The following MTSS2 variants were observed in gnomAD, a reference collection of about 807,000 sequenced individuals.
MTSS2 encodes the protein protein MTSS 2.
MTSS2 carries 27 observed loss-of-function variants against 67.1 expected under a neutral mutation model. The ratio of observed to expected loss-of-function variants is 0.40; its 90% confidence interval spans 0.30 to 0.55. MTSS2 has a LOEUF of 0.55. Ranked by LOEUF, MTSS2 falls within the 20% of genes least tolerant of loss-of-function variation. The pLI, the probability that MTSS2 is intolerant of heterozygous loss-of-function variation, is 0.43. For synonymous variants in MTSS2, 624 were observed against 468.6 expected (o/e 1.33, Z -4.28); for missense variants, 1,171 against 1,067.8 (o/e 1.10, Z -1.35).
intron 11 of MTSS2, among the ~76,000 whole-genome samples, chr16:70,667,493 A>G (rs2052760460): frequency 6.6e-6 from 1 of 152,160 alleles, no homozygotes; most frequent in Admixed American, 6.6e-5. Flanking sequence ...ACCCTAAAAC[A>G]TCAGTGTAAT....
intron 12 of MTSS2, 135 bp downstream of exon 12, chr16:70,665,331 T>G: frequency 9.6e-7 from 1 of 1,040,406 alleles, no homozygotes; most frequent in Non-Finnish European, 1.4e-6. Flanking sequence ...GTGGCTTGTC[T>G]CTTGGGGACA....
Position 70,663,948 on chromosome 16 carries a change from G to A in MTSS2, c.1973C>T (p.Ala658Val). 2 of 1,560,342 alleles carry A rather than the reference G, an allele frequency of 1.3e-6. No homozygotes were observed. The highest frequency in any genetic ancestry group is 1.7e-6 in the Non-Finnish European group (2 of 1,154,846). ...CTGCTGCTGCTCGTCCTCGGCCCCT[G>A]CCCCGGGGTACCCGGCTGCCTCTGG... ...PSPEAAGYPG[A>V]GAEDEQQQLA... The change falls in exon 15 of 15, where the codon GCA becomes GTA. Residue 658 changes from alanine (A) to valine (V), a missense_variant. Physicochemically the swap from Ala to Val is moderately conservative, Grantham distance 64. Transcript: ENST00000338779.
At chr16:70,679,404 T>A in intron 6 of MTSS2, 81 bp from the exon 7 acceptor site, 1 of 1,566,292 alleles carries the variant, frequency 6.4e-7, no homozygotes, top group Non-Finnish European at 8.8e-7. Flanking sequence ...ACAGAGCCAC[T>A]CCTGGGGCGG....
chr16:70,676,855 C>G, intron 10 of MTSS2, 26 bp downstream of exon 10: 1 of 1,603,450 alleles, frequency 6.2e-7, no homozygotes, highest in Non-Finnish European at 8.5e-7. Flanking sequence ...GCCCCCCACA[C>G]CCCTGGGAAC....
At chr16:70,670,584 A>AAAAC (rs1193264321) in intron 11 of MTSS2, among the ~76,000 whole-genome samples, 3 of 152,206 alleles carry the variant, frequency 2.0e-5, no homozygotes, top group Non-Finnish European at 4.4e-5. Context: ...ATTTCCACCT[A>AAAAC]AAACATGGCT....
Position 70,679,700 on chromosome 16 carries a change from G to A in MTSS2, c.387C>T (p.Tyr129=), listed in dbSNP as rs763867855. The A allele has an allele frequency of 6.2e-7, 1 of 1,611,496 alleles. No individual in the cohort carries two copies. Among genetic ancestry groups the A allele is most frequent in the Non-Finnish European group, 8.5e-7 (1 of 1,178,946 alleles). ...TTTTGATCTCATGCCGGGCTCGTTTGTACTCTGCAGAAGGGGAGAGCGGAG... is the reference window on the plus strand; with the variant it reads ...TTTTGATCTCATGCCGGGCTCGTTTATACTCTGCAGAAGGGGAGAGCGGAG... ...NQLDKDHAKE[Y]KRARHEIKKK... The change falls in exon 6 of 15, where the codon TAC becomes TAT. Residue 129 remains tyrosine (Y), a synonymous_variant. Coordinates refer to ENST00000338779, the MANE Select transcript of MTSS2 (RefSeq NM_138383.3).
rs1180980401 is a variant in MTSS2, at chr16:70,663,834, G to A, written c.2087C>T (p.Pro696Leu). 2 of 1,539,634 alleles carry A rather than the reference G, an allele frequency of 1.3e-6. No individual in the cohort carries two copies. The highest frequency in any genetic ancestry group is 2.0e-5 in the Admixed American group (1 of 50,702). The change falls in exon 15 of 15, where the codon CCC becomes CTC. Residue 696 changes from proline (P) to leucine (L), a missense_variant. Physicochemically the swap from Pro to Leu is moderately conservative, Grantham distance 98. This residue lies in a region of MTSS2 where 924 missense variants were observed against 756.0 expected (regional missense o/e 1.22). Transcript: ENST00000338779. ...CGTGGGGGTGGCCGACAGAGCAGTG[G>A]GGAAGGGGAACTGGCCCTCACCCAG... ...HALGEGQFPF[P>L]TALSATPTEE...
chr16:70,664,551 G>C, intron 14 of MTSS2, 47 bp downstream of exon 14: 1 of 1,598,060 alleles, frequency 6.3e-7, no homozygotes, highest in Non-Finnish European at 8.5e-7. Context: ...CTCCTGGATG[G>C]CTAAGTCCCA....
intron 11 of MTSS2, among the ~76,000 whole-genome samples, chr16:70,666,715 G>A (rs559098277): frequency 4.6e-4 from 70 of 152,264 alleles, no homozygotes; most frequent in African/African-American, 1.4e-3. Context: ...GCAATATGAC[G>A]GTTAAAGTAA....
intron 1 of MTSS2, among the ~76,000 whole-genome samples, chr16:70,685,336 G>T (rs543525176): frequency 7.4e-4 from 112 of 152,286 alleles, no homozygotes; most frequent in African/African-American, 2.7e-3. Flanking sequence ...TGGGCTCCGG[G>T]GCCGTGGGGG....
At chr16:70,680,299 G>T (rs1240136024) in intron 3 of MTSS2, among the ~76,000 whole-genome samples, 1 of 152,068 alleles carries the variant, frequency 6.6e-6, no homozygotes, top group East Asian at 1.9e-4. Context: ...GCTGGGAGAG[G>T]CCGGCGCCAA....
At chr16:70,670,442 T>C (rs1231575246) in intron 11 of MTSS2, among the ~76,000 whole-genome samples, 2 of 152,194 alleles carry the variant, frequency 1.3e-5, no homozygotes, top group Non-Finnish European at 2.9e-5. Context: ...CAGAACTGCA[T>C]ACTAGAATGT....
At chr16:70,681,088 C>T in intron 1 of MTSS2, 63 bp from the exon 2 acceptor site, 2 of 1,485,774 alleles carry the variant, frequency 1.3e-6, no homozygotes, top group South Asian at 1.3e-5. Flanking sequence ...TTGACCTGGG[C>T]CGGGCTCCCT....
intron 11 of MTSS2, among the ~76,000 whole-genome samples, chr16:70,671,998 G>C (rs2052952940): frequency 6.6e-6 from 1 of 152,216 alleles, no homozygotes; most frequent in Non-Finnish European, 1.5e-5. Context: ...AAGAGGGACA[G>C]GTGTGAGAAA....
At chr16:70,679,145 C>G (rs1031834998) in intron 7 of MTSS2, among the ~76,000 whole-genome samples, 170 bp downstream of exon 7, 1 of 152,034 alleles carries the variant, frequency 6.6e-6, no homozygotes, top group Non-Finnish European at 1.5e-5. Flanking sequence ...TGGCCAGGGA[C>G]CCCGGGGGCC....
chr16:70,682,719 C>T (rs951508749), intron 1 of MTSS2, among the ~76,000 whole-genome samples: 13 of 150,454 alleles, frequency 8.6e-5, no homozygotes, highest in East Asian at 1.9e-4. Context: ...TGTTTATATC[C>T]GCCTCTTCAT....
chr16:70,661,541 C>G lies in MTSS2; in HGVS notation c.*2136G>C, dbSNP rs541963690. ...CGTACAAAATGAGAAATTAAACGAA[C>G]GTAAAGTCCCCCAAACCAAAGTTTG... is the stretch of plus-strand genomic sequence containing the variant. On this transcript the variant is annotated 3_prime_UTR_variant, in exon 15 of 15. Coordinates refer to ENST00000338779, the MANE Select transcript of MTSS2 (RefSeq NM_138383.3). The G allele has an allele frequency of 5.7e-6, 2 of 350,288 alleles. No individual in the cohort carries two copies. Among genetic ancestry groups the G allele is most frequent in the Non-Finnish European group, 1.1e-5 (2 of 178,018 alleles). 21.7% of individuals were successfully genotyped at this position (350,288 alleles called of 1,614,324 possible).
intron 11 of MTSS2, among the ~76,000 whole-genome samples, chr16:70,666,796 C>G (rs1042402347): frequency 1.3e-5 from 2 of 152,150 alleles, no homozygotes; most frequent in Non-Finnish European, 2.9e-5. Context: ...AAAAACAATA[C>G]AAAGACACAA....
chr16:70,681,177 G>C (rs1445817685), intron 1 of MTSS2, 152 bp from the exon 2 acceptor site: 1 of 706,550 alleles, frequency 1.4e-6, no homozygotes, highest in Non-Finnish European at 2.3e-6. Context: ...GGTCCTCTCG[G>C]AGGGCAGAGG....
Sources: gnomAD v4.1 joint callset for allele counts (sites outside exome capture counted in the v4.1 genomes callset) on GRCh38, gnomAD v4.1.1 for gene constraint, gnomAD v4.1.1 regional missense constraint, MANE v1.5 for transcripts, NCBI Gene and HGNC (gene_info 2026-07-23, HGNC 2026-07-21) for gene names.